PALLD: variants seen among roughly 807,000 people sequenced by gnomAD.
The protein encoded by PALLD is palladin, cytoskeletal associated protein, also known as palladin.
PALLD carries 61 observed loss-of-function variants against 123.5 expected under a neutral mutation model. The ratio of observed to expected loss-of-function variants is 0.49; its 90% CI spans 0.40 to 0.61. The LOEUF is 0.61. Among genes scored for constraint, PALLD ranks in the 20% least tolerant of loss-of-function variants. The pLI is 0.00. For missense variants in PALLD, 1,273 were observed against 1,377.0 expected (o/e 0.92, Z 1.20); for synonymous variants, 465 against 496.4 (o/e 0.94, Z 0.84).
At chr4:168,917,830 G>C (rs780191957) in intron 17 of PALLD, among the ~76,000 whole-genome samples, 2 of 151,584 alleles carry the variant, frequency 1.3e-5, no homozygotes, top group Non-Finnish European at 2.9e-5. Context: ...ATTCATTTTT[G>C]GTCTATAATT....
At chr4:168,647,021 A>T (rs1298920465) in intron 2 of PALLD, among the ~76,000 whole-genome samples, 1 of 152,212 alleles carries the variant, frequency 6.6e-6, no homozygotes, top group Non-Finnish European at 1.5e-5. Flanking sequence ...CCTACCTCTC[A>T]ATGTGCATAG....
chr4:168,797,807 T>C (rs1201505252), intron 10 of PALLD, among the ~76,000 whole-genome samples: 1 of 152,042 alleles, frequency 6.6e-6, no homozygotes, highest in African/African-American at 2.4e-5. Flanking sequence ...CCATATTAGC[T>C]CCCTCTTCTA....
intron 10 of PALLD, among the ~76,000 whole-genome samples, chr4:168,737,254 T>G (rs937315908): frequency 6.6e-6 from 1 of 152,230 alleles, no homozygotes; most frequent in African/African-American, 2.4e-5. Context: ...TCCCTTAAGA[T>G]AACTCAAAGA....
chr4:168,923,078 C>T (rs1038856324), intron 18 of PALLD, among the ~76,000 whole-genome samples: 15 of 152,218 alleles, frequency 9.9e-5, no homozygotes, highest in Non-Finnish European at 1.9e-4. Flanking sequence ...GTACCCTGCA[C>T]AGCAATGCTG....
intron 2 of PALLD, among the ~76,000 whole-genome samples, chr4:168,538,992 G>A (rs905479898): frequency 1.3e-5 from 2 of 152,140 alleles, no homozygotes; most frequent in Admixed American, 6.5e-5. Context: ...TCTTATGGGC[G>A]TGAAAAACAG....
At chr4:168,578,083 T>G (rs924579737) in intron 2 of PALLD, among the ~76,000 whole-genome samples, 1 of 152,132 alleles carries the variant, frequency 6.6e-6, no homozygotes, top group African/African-American at 2.4e-5. Flanking sequence ...GCCTAGAATA[T>G]TCACAAACAA....
chr4:168,716,003 C>T (rs997907158), intron 10 of PALLD, among the ~76,000 whole-genome samples: 3 of 151,928 alleles, frequency 2.0e-5, no homozygotes, highest in African/African-American at 7.3e-5. Flanking sequence ...TAGGAATAAG[C>T]TCTGAAGGGA....
At chr4:168,778,501 G>A (rs1046517873) in intron 10 of PALLD, among the ~76,000 whole-genome samples, 5 of 152,128 alleles carry the variant, frequency 3.3e-5, no homozygotes, top group Admixed American at 6.5e-5. Flanking sequence ...ACTATGGCGC[G>A]TAACTGTGAT....
intron 10 of PALLD, among the ~76,000 whole-genome samples, chr4:168,727,907 A>G (rs922873674): frequency 1.3e-5 from 2 of 150,590 alleles, no homozygotes; most frequent in Non-Finnish European, 2.9e-5. Flanking sequence ...GTAAGGGTCT[A>G]GTTTTATTCT....
At chr4:168,556,773 AG>A (rs570251669) in intron 2 of PALLD, among the ~76,000 whole-genome samples, 8 of 152,208 alleles carry the variant, frequency 5.3e-5, no homozygotes, top group Non-Finnish European at 8.8e-5. Context: ...CTAGAGAAAA[AG>A]ATGGGAGGAA....
chr4:168,921,500 A>G lies in PALLD; in HGVS notation c.2851-34A>G, dbSNP rs767780298. On this transcript the variant is annotated intron_variant, in intron 17 of 21. Coordinates refer to ENST00000505667, the MANE Select transcript of PALLD (RefSeq NM_001166108.2). ...ACCAGTGATTTCACTCTGTTTTAAT[A>G]CAAAAATTTACATGTATTTCTTTTA... 10 of 1,445,698 alleles carry G rather than the reference A, an allele frequency of 6.9e-6. No homozygotes were observed. In the Admixed American group the frequency reaches 9.8e-5, roughly 14 times the overall value. The allele number at this position is 1,445,698 out of a possible 1,614,324, so 89.6% of individuals were successfully genotyped here.
intron 10 of PALLD, among the ~76,000 whole-genome samples, chr4:168,782,154 C>T (rs879340392): frequency 6.6e-6 from 1 of 152,166 alleles, no homozygotes; most frequent in Non-Finnish European, 1.5e-5. Flanking sequence ...ATAGTACAAC[C>T]GTGTGACACA....
At chr4:168,548,581 G>C (rs1766412820) in intron 2 of PALLD, among the ~76,000 whole-genome samples, 1 of 152,116 alleles carries the variant, frequency 6.6e-6, no homozygotes, top group South Asian at 2.1e-4. Flanking sequence ...TGGCGAAATG[G>C]TCTGGTGTGG....
intron 2 of PALLD, among the ~76,000 whole-genome samples, chr4:168,634,070 G>T (rs988476277): frequency 6.6e-6 from 1 of 152,188 alleles, no homozygotes; most frequent in Non-Finnish European, 1.5e-5. Flanking sequence ...AACAAGCTCG[G>T]TGTCTCTTAA....
intron 2 of PALLD, among the ~76,000 whole-genome samples, chr4:168,665,430 T>C (rs1779542803): frequency 6.6e-6 from 1 of 152,192 alleles, no homozygotes; most frequent in Admixed American, 6.5e-5. Flanking sequence ...AGAGGTACAA[T>C]ATACATTTTT....
intron 2 of PALLD, among the ~76,000 whole-genome samples, chr4:168,550,056 A>G (rs1029591333): frequency 6.6e-6 from 1 of 152,194 alleles, no homozygotes; most frequent in Non-Finnish European, 1.5e-5. Flanking sequence ...TCCATTAGCC[A>G]TAGTGAATAC....
At chr4:168,609,679 G>A (rs796768856) in intron 2 of PALLD, among the ~76,000 whole-genome samples, 26 of 152,280 alleles carry the variant, frequency 1.7e-4, no homozygotes, top group African/African-American at 6.0e-4. Flanking sequence ...AGGGAGTTGC[G>A]ATGGCTGGAG....
intron 10 of PALLD, among the ~76,000 whole-genome samples, chr4:168,767,780 C>T (rs1381276446): frequency 6.6e-6 from 1 of 152,166 alleles, no homozygotes; most frequent in Non-Finnish European, 1.5e-5. Context: ...CTCCCAACCT[C>T]AGGTAATCCA....
intron 10 of PALLD, among the ~76,000 whole-genome samples, chr4:168,740,294 A>G (rs778520232): frequency 2.0e-5 from 3 of 152,218 alleles, no homozygotes; most frequent in Non-Finnish European, 4.4e-5. Context: ...TTCCTTCTGA[A>G]TGCACTTTTT....
Sources: gnomAD v4.1 joint callset for allele counts (sites outside exome capture counted in the v4.1 genomes callset) on GRCh38, gnomAD v4.1.1 for gene constraint, MANE v1.5 for transcripts, NCBI Gene and HGNC (gene_info 2026-07-23, HGNC 2026-07-21) for gene names.